Variants in TOX3 observed in about 807,000 individuals in gnomAD.
The protein encoded by TOX3 is CAG trinucleotide repeat-containing gene F9 protein.
A neutral mutation model predicts 64.3 loss-of-function variants in TOX3; 22 were observed. The observed-to-expected ratio is 0.34, with a 90% CI of 0.24 to 0.49. The LOEUF (loss-of-function observed/expected upper bound fraction) is 0.49, where lower values mean the gene tolerates loss of function less well. Among genes scored for constraint, TOX3 ranks in the 20% least tolerant of loss-of-function variants. The probability of loss-of-function intolerance (pLI) is 0.99; values close to 1 mark genes in which losing one functional copy is unlikely to be tolerated. For synonymous variants in TOX3, 291 were observed against 273.6 expected (o/e 1.06, Z -0.63); for missense variants, 661 against 714.4 (o/e 0.93, Z 0.85).
chr16:52,450,686 T>A (rs1328706488), intron 3 of TOX3, 140 bp from the exon 4 acceptor site: 4 of 1,070,156 alleles, frequency 3.7e-6, no homozygotes, highest in Non-Finnish European at 5.3e-6. Context: ...ATGGTCTCCG[T>A]TCATTTATTA....
intron 1 of TOX3, among the ~76,000 whole-genome samples, chr16:52,528,931 C>T (rs1195120229): frequency 1.3e-5 from 2 of 152,182 alleles, no homozygotes; most frequent in African/African-American, 4.8e-5. Flanking sequence ...AGGACAAATG[C>T]CCTGCATGAG....
At chr16:52,448,640 C>T (rs1367607462) in intron 4 of TOX3, among the ~76,000 whole-genome samples, 1 of 152,132 alleles carries the variant, frequency 6.6e-6, no homozygotes, top group Non-Finnish European at 1.5e-5. Context: ...TCACTTGAAC[C>T]TCCCTTCTCT....
intron 1 of TOX3, among the ~76,000 whole-genome samples, chr16:52,530,480 G>T (rs1465506608): frequency 6.6e-6 from 1 of 151,998 alleles, no homozygotes; most frequent in Non-Finnish European, 1.5e-5. Flanking sequence ...GGGATTACAG[G>T]TGCCTGCCAC....
intron 1 of TOX3, among the ~76,000 whole-genome samples, chr16:52,540,069 A>T (rs1261878270): frequency 6.6e-6 from 1 of 152,136 alleles, no homozygotes; most frequent in Admixed American, 6.5e-5. Context: ...AACTCTAACC[A>T]ATCCACCGGT....
In TOX3 at chr16:52,439,724, A is replaced by G. The variant is rs777979701; in HGVS notation, c.1232T>C (p.Ile411Thr). 1.4e-5 allele frequency: 23 copies of G among 1,613,838 alleles called. No individual in the cohort carries two copies. The highest frequency in any genetic ancestry group is 4.5e-5 in the East Asian group (2 of 44,888). Residue 411 changes from isoleucine to threonine, a missense_variant, in exon 7 of 7, where the codon ATT (isoleucine) becomes ACT (threonine). Ile to Thr is a moderately conservative substitution (Grantham distance 89). Around this residue, in one of 3 missense-constraint regions of TOX3, gnomAD observed 299 missense variants for 292.1 expected, o/e 1.02. Transcript: ENST00000219746. Reference sequence around the variant, plus strand: ...CATGGAGCTTATCAGTGGAGCCCCAATGTTCGAGGGCATGTTGGCTGCAAT... The same window carrying G: ...CATGGAGCTTATCAGTGGAGCCCCAGTGTTCGAGGGCATGTTGGCTGCAAT... ...VTIAANMPSNIGAPLISSMGT... is the reference protein window; with the variant it reads ...VTIAANMPSNTGAPLISSMGT...
chr16:52,543,590 C>T (rs899354445), intron 1 of TOX3, among the ~76,000 whole-genome samples: 5 of 152,020 alleles, frequency 3.3e-5, no homozygotes, highest in Non-Finnish European at 5.9e-5. Flanking sequence ...GTTAACCACA[C>T]CAGAAAAAGA....
chr16:52,519,352 T>C, intron 1 of TOX3: 1 of 1,501,364 alleles, frequency 6.7e-7, no homozygotes, highest in Non-Finnish European at 9.0e-7. Flanking sequence ...AAAGACACTA[T>C]CTGGTTAGCC....
chr16:52,542,594 T>C (rs1034318630), intron 1 of TOX3, among the ~76,000 whole-genome samples: 1 of 152,340 alleles, frequency 6.6e-6, no homozygotes, highest in Admixed American at 6.5e-5. Flanking sequence ...AAATGGGGTA[T>C]GTTCTCTACT....
At chr16:52,480,156 C>G (rs1023780341) in intron 1 of TOX3, among the ~76,000 whole-genome samples, 1 of 152,192 alleles carries the variant, frequency 6.6e-6, no homozygotes, top group Non-Finnish European at 1.5e-5. Context: ...GCAATGGCCT[C>G]AGGATCAACC....
chr16:52,531,124 G>A (rs74017874), intron 1 of TOX3, among the ~76,000 whole-genome samples: 7 of 152,166 alleles, frequency 4.6e-5, no homozygotes, highest in Non-Finnish European at 1.0e-4. Context: ...GATTGGGGAG[G>A]ATATTCGAAA....
intron 1 of TOX3, among the ~76,000 whole-genome samples, chr16:52,469,037 A>G (rs1555482294): frequency 6.6e-6 from 1 of 152,206 alleles, no homozygotes; most frequent in Non-Finnish European, 1.5e-5. Context: ...CAGGACTCAA[A>G]TTCTATTTTC....
At chr16:52,520,143 C>T (rs45618336) in intron 1 of TOX3, among the ~76,000 whole-genome samples, 3 of 152,042 alleles carry the variant, frequency 2.0e-5, no homozygotes, top group Non-Finnish European at 4.4e-5. Context: ...ACATAAAAAT[C>T]AGATCCATAA....
chr16:52,440,008 A>G (rs765451056), intron 6 of TOX3, 40 bp from the exon 7 acceptor site: 22 of 1,445,726 alleles, frequency 1.5e-5, no homozygotes, highest in South Asian at 1.4e-4. Flanking sequence ...GTTACAACAC[A>G]TAAGTATTTA....
intron 1 of TOX3, among the ~76,000 whole-genome samples, chr16:52,534,562 A>T (rs1326943014): frequency 6.6e-6 from 1 of 151,992 alleles, no homozygotes; most frequent in African/African-American, 2.4e-5. Context: ...GCTTGAACCC[A>T]GGAGTTTGAG....
chr16:52,459,383 T>C (rs762266932), intron 3 of TOX3, among the ~76,000 whole-genome samples: 4 of 152,204 alleles, frequency 2.6e-5, no homozygotes, highest in Non-Finnish European at 5.9e-5. Flanking sequence ...TAAATATTCA[T>C]TGAAGGTTAA....
chr16:52,480,397 CA>C lies in TOX3; in HGVS notation c.88-11824del, dbSNP rs377091092. On this transcript the variant is annotated intron_variant, in intron 1 of 6. Transcript: ENST00000219746. ...AGACTTCGTAGTTCTTGCTGCAATC[CA>C]ATGAAGGACCTTAGAGACTTTCTGC... is the stretch of plus-strand genomic sequence containing the variant. Among the ~76,000 whole-genome samples the C allele has an allele frequency of 3.4e-4, 52 of 152,220 alleles. No homozygotes were observed. In the East Asian group the frequency reaches 7.9e-3, roughly 23 times the overall value.
chr16:52,508,180 A>G (rs1962211900), intron 1 of TOX3, among the ~76,000 whole-genome samples: 1 of 152,252 alleles, frequency 6.6e-6, no homozygotes, highest in Non-Finnish European at 1.5e-5. Context: ...CATTATTATG[A>G]AGGCTGATTT....
rs752363489 is a variant in TOX3 at position 52,444,342 on chromosome 16, T to C, written c.921A>G (p.Lys307=). 6.3e-7 allele frequency: 1 copy of C among 1,581,164 alleles called. No homozygotes were observed. Among genetic ancestry groups the C allele is most frequent in the East Asian group, 2.3e-5 (1 of 43,698 alleles). Reference sequence around the variant, plus strand: ...GGTATTCTTTTTTGGCAGCTTCTGTTTTCCTTTTATATACCTATTAAAAGA... The same window carrying C: ...GGTATTCTTTTTTGGCAGCTTCTGTCTTCCTTTTATATACCTATTAAAAGA... The part of the protein sequence containing the change: ...GEEQKQVYKR[K]TEAAKKEYLK... Residue 307 remains lysine (K), a synonymous_variant, in exon 6 of 7, where the codon AAA becomes AAG. Transcript: ENST00000219746.
At chr16:52,457,927 A>C (rs1596787492) in intron 3 of TOX3, among the ~76,000 whole-genome samples, 1 of 152,306 alleles carries the variant, frequency 6.6e-6, no homozygotes, top group South Asian at 2.1e-4. Context: ...TGTTCCCTAA[A>C]GTTAATTAAT....
Sources: allele counts gnomAD v4.1 joint callset (sites outside exome capture counted in the v4.1 genomes callset), GRCh38; gene constraint gnomAD v4.1.1; regional missense constraint gnomAD v4.1.1; transcripts MANE v1.5; gene names NCBI Gene and HGNC (gene_info 2026-07-23, HGNC 2026-07-21).